Variants in WWOX observed in about 807,000 individuals in gnomAD.
WWOX encodes the protein WW domain containing oxidoreductase, also known as WW domain-containing oxidoreductase.
In WWOX, 69 loss-of-function variants were observed where a neutral mutation model predicts 46.2. The observed-to-expected ratio is 1.49, with a 90% CI of 1.23 to 1.82. The LOEUF (loss-of-function observed/expected upper bound fraction) is 1.82, where lower values mean the gene tolerates loss of function less well. Among genes scored for constraint, WWOX ranks in the 40% most tolerant of loss-of-function variants. WWOX has a pLI of 0.00. For missense variants in WWOX, 919 were observed against 542.6 expected (o/e 1.69, Z -6.89); for synonymous variants, 359 against 202.6 (o/e 1.77, Z -6.56).
intron 5 of WWOX, among the ~76,000 whole-genome samples, chr16:78,242,569 G>A (rs967814822): frequency 1.1e-4 from 17 of 152,192 alleles, no homozygotes; most frequent in African/African-American, 3.9e-4. Flanking sequence ...TGAGGGAGAC[G>A]TGGAACCAGG....
intron 5 of WWOX, among the ~76,000 whole-genome samples, chr16:78,203,611 C>T (rs770948387): frequency 3.9e-5 from 6 of 152,058 alleles, no homozygotes; most frequent in Non-Finnish European, 7.4e-5. Flanking sequence ...AAGATGAAGG[C>T]AAGATCAAGA....
At chr16:78,466,490 A>C (rs1435209524) in intron 8 of WWOX, among the ~76,000 whole-genome samples, 1 of 152,198 alleles carries the variant, frequency 6.6e-6, no homozygotes, top group African/African-American at 2.4e-5. Context: ...ACACATAAGG[A>C]GACATATTTT....
rs4888758 is a variant in WWOX at position 78,183,850 on chromosome 16, G to T, written c.516+19561G>T. On this transcript the variant is annotated intron_variant, in intron 5 of 8. Coordinates refer to ENST00000566780, the MANE Select transcript of WWOX (RefSeq NM_016373.4). ...GTGTCATTTTCAAACAAAGCATCCTGGCTGCAGTGTTGGATTTTGTAGGAT... is the reference window on the plus strand; with the variant it reads ...GTGTCATTTTCAAACAAAGCATCCTTGCTGCAGTGTTGGATTTTGTAGGAT... Among the ~76,000 whole-genome samples the T allele has an allele frequency of 5.5e-3, 842 of 152,234 alleles. 5 individuals carry two copies. Among genetic ancestry groups the T allele is most frequent in the African/African-American group, 0.019 (801 of 41,554 alleles).
At chr16:79,125,705 T>C (rs1006953757) in intron 8 of WWOX, among the ~76,000 whole-genome samples, 1 of 152,180 alleles carries the variant, frequency 6.6e-6, no homozygotes, top group Non-Finnish European at 1.5e-5. Flanking sequence ...ATGTTGACAT[T>C]GTGAATCCCT....
chr16:78,305,518 G>T (rs906617301), intron 5 of WWOX, among the ~76,000 whole-genome samples: 7 of 152,176 alleles, frequency 4.6e-5, no homozygotes, highest in African/African-American at 1.7e-4. Context: ...GTTCCCTCTG[G>T]AAGTTAAAGC....
intron 5 of WWOX, among the ~76,000 whole-genome samples, chr16:78,375,995 C>T (rs1045777492): frequency 7.9e-5 from 12 of 151,886 alleles, no homozygotes; most frequent in Non-Finnish European, 1.2e-4. Context: ...GGACTACCAG[C>T]GCATGTCACC....
At chr16:78,427,032 G>A (rs1298183165) in intron 7 of WWOX, among the ~76,000 whole-genome samples, 1 of 152,156 alleles carries the variant, frequency 6.6e-6, no homozygotes, top group East Asian at 1.9e-4. Flanking sequence ...TATTACCTTC[G>A]CATTGCATCC....
At chr16:78,831,479 G>A (rs558871434) in intron 8 of WWOX, among the ~76,000 whole-genome samples, 55 of 152,316 alleles carry the variant, frequency 3.6e-4, no homozygotes, top group Middle Eastern at 3.4e-3. Flanking sequence ...AGTTTATCCT[G>A]TGGCTTTGAG....
chr16:78,560,116 A>G (rs2044398820), intron 8 of WWOX, among the ~76,000 whole-genome samples: 1 of 152,212 alleles, frequency 6.6e-6, no homozygotes, highest in Non-Finnish European at 1.5e-5. Context: ...TCAGGAGATT[A>G]TATTAGAAAA....
intron 8 of WWOX, among the ~76,000 whole-genome samples, chr16:79,018,937 G>T (rs1007281142): frequency 6.6e-6 from 1 of 151,914 alleles, no homozygotes; most frequent in Non-Finnish European, 1.5e-5. Flanking sequence ...GATCGCTTGA[G>T]CTCAGGAGTT....
At chr16:78,846,731 A>G (rs1798036030) in intron 8 of WWOX, among the ~76,000 whole-genome samples, 1 of 152,108 alleles carries the variant, frequency 6.6e-6, no homozygotes, top group Non-Finnish European at 1.5e-5. Context: ...TGGGGGAGGT[A>G]CTTTGGGACT....
intron 8 of WWOX, among the ~76,000 whole-genome samples, chr16:79,072,289 C>A (rs556663077): frequency 2.0e-5 from 3 of 151,982 alleles, no homozygotes; most frequent in African/African-American, 4.8e-5. Flanking sequence ...GTCCCCCCAA[C>A]CCCCCAAAAA....
At position 79,114,758 on chromosome 16, in the gene WWOX, T is replaced by C. The variant is rs188594338; in HGVS notation, c.1057-96850T>C. ...AACAAACCAAGGGGAGCTAAAGATA[T>C]ACCCTTTAGCCAAGTAAACCAGCTG... On this transcript the variant is annotated intron_variant, in intron 8 of 8. Coordinates refer to ENST00000566780, the MANE Select transcript of WWOX (RefSeq NM_016373.4). Among the ~76,000 whole-genome samples, 630 of 152,216 alleles carry C rather than the reference T, an allele frequency of 4.1e-3. 17 individuals carry two copies. The highest frequency in any genetic ancestry group is 0.035 in the Admixed American group (532 of 15,294).
At chr16:79,108,518 T>C (rs2049353667) in intron 8 of WWOX, among the ~76,000 whole-genome samples, 2 of 152,270 alleles carry the variant, frequency 1.3e-5, no homozygotes, top group Admixed American at 1.3e-4. Flanking sequence ...TGTGCAGTCC[T>C]GGATGAACCA....
intron 8 of WWOX, among the ~76,000 whole-genome samples, chr16:78,561,209 A>T (rs1386406847): frequency 2.6e-5 from 4 of 151,892 alleles, no homozygotes; most frequent in Non-Finnish European, 5.9e-5. Context: ...CTGCATCTCA[A>T]AGCCAGCAAC....
intron 5 of WWOX, among the ~76,000 whole-genome samples, chr16:78,357,208 G>A (rs2081314554): frequency 6.6e-6 from 1 of 152,158 alleles, no homozygotes; most frequent in African/African-American, 2.4e-5. Flanking sequence ...AGTCATATGA[G>A]TTGCTAGCTG....
chr16:79,091,333 A>G (rs1597367081), intron 8 of WWOX, among the ~76,000 whole-genome samples: 1 of 152,018 alleles, frequency 6.6e-6, no homozygotes, highest in African/African-American at 2.4e-5. Context: ...AGTGCATGAA[A>G]TTTTTTTGTA....
intron 8 of WWOX, among the ~76,000 whole-genome samples, chr16:79,011,347 C>T (rs2047303324): frequency 6.6e-6 from 1 of 151,930 alleles, no homozygotes; most frequent in Non-Finnish European, 1.5e-5. Flanking sequence ...TTCAAATTTT[C>T]ATGTCTCCAA....
chr16:78,331,929 G>C (rs1437216491), intron 5 of WWOX, among the ~76,000 whole-genome samples: 1 of 152,160 alleles, frequency 6.6e-6, no homozygotes, highest in East Asian at 1.9e-4. Flanking sequence ...CCAACAGGGA[G>C]AAGTTGGAGC....
Sources: allele counts gnomAD v4.1 joint callset (sites outside exome capture counted in the v4.1 genomes callset), GRCh38; gene constraint gnomAD v4.1.1; transcripts MANE v1.5; gene names NCBI Gene and HGNC (gene_info 2026-07-23, HGNC 2026-07-21).